CAPZA2: variants seen among roughly 807,000 people sequenced by gnomAD.
The protein encoded by CAPZA2 is F-actin-capping protein subunit alpha-2.
A neutral mutation model predicts 44.0 loss-of-function variants in CAPZA2; 13 were observed. The observed-to-expected ratio is 0.30, with a 90% CI of 0.19 to 0.47. The LOEUF (loss-of-function observed/expected upper bound fraction) is 0.47. CAPZA2 is among the 20% of genes least tolerant of loss of function. The probability of loss-of-function intolerance (pLI) is 1.00; values close to 1 mark genes in which losing one functional copy is unlikely to be tolerated. For synonymous variants in CAPZA2, 94 were observed against 108.2 expected, an observed-to-expected ratio of 0.87 and a Z score of 0.81; for missense variants, 244 against 338.6, an observed-to-expected ratio of 0.72 and a Z score of 2.19.
chr7:116,916,048 T>A lies in CAPZA2; in HGVS notation c.658-12T>A. 6.7e-7 allele frequency: 1 copy of A among 1,501,140 alleles called. No individual in the cohort carries two copies. Among genetic ancestry groups the A allele is most frequent in the Non-Finnish European group, 8.9e-7 (1 of 1,120,822 alleles). 93.0% of individuals were successfully genotyped at this position (1,501,140 alleles called of 1,614,324 possible). A position where few individuals can be genotyped will look rare whatever the true frequency, so the allele number is the denominator to read the frequency against. ...TAAATTACTATTTTTATTTTGTTTT[T>A]TTTTTTTTCAGAATGAAGTGCAAAC... is the stretch of plus-strand genomic sequence containing the variant. On this transcript the variant is annotated splice_polypyrimidine_tract_variant and intron_variant, in intron 8 of 9. Transcript: ENST00000361183.
At chr7:116,879,124 C>CAAAAAAAAAAAAAAAAAAAAAA (rs71148337) in intron 1 of CAPZA2, among the ~76,000 whole-genome samples, 1 of 45,302 alleles carries the variant, frequency 2.2e-5, no homozygotes, top group Non-Finnish European at 4.4e-5. Context: ...AACTCTGTCT[C>CAAAAAAAAAAAAAAAAAAAAAA]AAAAAAAAAA....
chr7:116,863,239 C>T (rs928728556), intron 1 of CAPZA2, among the ~76,000 whole-genome samples: 13 of 152,188 alleles, frequency 8.5e-5, no homozygotes, highest in Non-Finnish European at 1.2e-4. Flanking sequence ...ATGGAGGCAT[C>T]TCTCCCTCCT....
At chr7:116,879,266 G>A (rs1161331814) in intron 1 of CAPZA2, among the ~76,000 whole-genome samples, 1 of 151,852 alleles carries the variant, frequency 6.6e-6, no homozygotes, top group Non-Finnish European at 1.5e-5. Flanking sequence ...ATGACTAGTA[G>A]AGGTTAGAAA....
At chr7:116,914,070 C>G (rs1433750946) in intron 8 of CAPZA2, among the ~76,000 whole-genome samples, 1 of 149,786 alleles carries the variant, frequency 6.7e-6, no homozygotes, top group Non-Finnish European at 1.5e-5. Context: ...CTCTTTCGCC[C>G]AGGCTGGACT....
At chr7:116,890,589 TATATATATAC>T in intron 2 of CAPZA2, among the ~76,000 whole-genome samples, 2 of 43,726 alleles carry the variant, frequency 4.6e-5, no homozygotes, top group African/African-American at 3.0e-4. Context: ...TATATATATA[TATATATATAC>T]ACACACACAC....
At position 116,862,970 on chromosome 7, in the gene CAPZA2, T is replaced by A. The variant is rs541819833; in HGVS notation, c.39+320T>A. 2.0e-5 allele frequency among the ~76,000 whole-genome samples: 3 copies of A among 152,022 alleles called. No individual in the cohort carries two copies. The South Asian group carries it at 6.2e-4, about 32-fold the overall frequency. On this transcript the variant is annotated intron_variant, in intron 1 of 9. Transcript: ENST00000361183. The stretch of plus-strand genomic sequence containing the variant: ...GCGGCGGCTGCCCAGGACCCTCTCC[T>A]GCTGTCGGGCCGCGGGGCCTCCGCC...
At chr7:116,868,617 C>G (rs1441474750) in intron 1 of CAPZA2, among the ~76,000 whole-genome samples, 4 of 152,016 alleles carry the variant, frequency 2.6e-5, no homozygotes, top group Non-Finnish European at 4.4e-5. Context: ...ACCTGTAGTC[C>G]CAGCTACTCG....
intron 8 of CAPZA2, chr7:116,915,586 A>C (rs1016718995): frequency 3.4e-4 from 52 of 151,380 alleles, no homozygotes; most frequent in African/African-American, 1.2e-3. Flanking sequence ...AAACAAACCC[A>C]TCTATTGGCA....
At chr7:116,885,741 A>G (rs1375236384) in intron 1 of CAPZA2, among the ~76,000 whole-genome samples, 2 of 152,144 alleles carry the variant, frequency 1.3e-5, no homozygotes, top group Non-Finnish European at 2.9e-5. Flanking sequence ...AGGGTGAGGT[A>G]TGGAGGAGGG....
intron 9 of CAPZA2, 29 bp downstream of exon 9, chr7:116,916,151 A>G: frequency 3.3e-6 from 5 of 1,501,282 alleles, no homozygotes; most frequent in Non-Finnish European, 3.5e-6. Context: ...TATATAAGCT[A>G]CACTCACATA....
intron 2 of CAPZA2, among the ~76,000 whole-genome samples, chr7:116,891,810 C>A (rs1796850115): frequency 6.6e-6 from 1 of 152,120 alleles, no homozygotes; most frequent in South Asian, 2.1e-4. Context: ...CACACCCGGC[C>A]AGGATATTGT....
At chr7:116,873,770 ACAT>A (rs1796582329) in intron 1 of CAPZA2, 1 of 155,920 alleles carries the variant, frequency 6.4e-6, no homozygotes, top group Non-Finnish European at 1.4e-5. Flanking sequence ...AGTAATAAAC[ACAT>A]CTTGAAGAGG....
chr7:116,883,000 A>G (rs1021900494), intron 1 of CAPZA2, among the ~76,000 whole-genome samples: 1 of 152,186 alleles, frequency 6.6e-6, no homozygotes, highest in Non-Finnish European at 1.5e-5. Context: ...ATAAAATAAA[A>G]CTAATAACTC....
rs565722090 is a variant in CAPZA2, at chr7:116,902,841, C to G, written c.220-1336C>G. 2.0e-5 allele frequency among the ~76,000 whole-genome samples: 3 copies of G among 152,230 alleles called. No homozygotes were observed. In the South Asian group the frequency reaches 6.2e-4, roughly 32 times the overall value. ...AGCCTCAATCTCCTGGGCTGAGTAG[C>G]TGGGACTACAGGCACATGCCACCAC... On this transcript the variant is annotated intron_variant, in intron 4 of 9. Transcript: ENST00000361183.
rs180847648 is a variant in CAPZA2, at chr7:116,891,047, T to G, written c.104-1947T>G. 3.3e-5 allele frequency among the ~76,000 whole-genome samples: 5 copies of G among 152,300 alleles called. No individual in the cohort carries two copies. The East Asian group carries it at 9.6e-4, about 29-fold the overall frequency. On this transcript the variant is annotated intron_variant, in intron 2 of 9. Transcript: ENST00000361183. The stretch of plus-strand genomic sequence containing the variant: ...AACATCTCAAACATATAGTCATAGA[T>G]CTGGACTAGGGCTCTGAAATCTACA...
At chr7:116,865,583 G>C (rs570780005) in intron 1 of CAPZA2, among the ~76,000 whole-genome samples, 25 of 151,768 alleles carry the variant, frequency 1.6e-4, no homozygotes, top group Admixed American at 4.6e-4. Context: ...AAGGAGAAAC[G>C]TTGATTCTTC....
At chr7:116,912,191 A>G in intron 8 of CAPZA2, 51 bp downstream of exon 8, 4 of 1,600,054 alleles carry the variant, frequency 2.5e-6, no homozygotes, top group Non-Finnish European at 3.4e-6. Context: ...CTGTAAAACC[A>G]GAACAGTTTT....
intron 9 of CAPZA2, among the ~76,000 whole-genome samples, chr7:116,917,492 C>T (rs1791696400): frequency 6.6e-6 from 1 of 152,120 alleles, no homozygotes; most frequent in Admixed American, 6.5e-5. Context: ...CTCCTGACCT[C>T]GTGATCCGCC....
chr7:116,897,912 T>G (rs1796948995), intron 3 of CAPZA2, among the ~76,000 whole-genome samples: 1 of 152,082 alleles, frequency 6.6e-6, no homozygotes, highest in African/African-American at 2.4e-5. Context: ...GCTGCCAAAT[T>G]AATCTTCTTT....
Sources: gnomAD v4.1 joint callset for allele counts (sites outside exome capture counted in the v4.1 genomes callset) on GRCh38, gnomAD v4.1.1 for gene constraint, MANE v1.5 for transcripts, NCBI Gene and HGNC (gene_info 2026-07-23, HGNC 2026-07-21) for gene names.